Variants in KCNH7 observed in about 807,000 individuals in gnomAD.
KCNH7 encodes potassium voltage-gated channel subfamily H member 7, also known as voltage-gated inwardly rectifying potassium channel KCNH7.
A neutral mutation model predicts 120.8 loss-of-function variants in KCNH7; 49 were observed. The ratio of observed to expected loss-of-function variants is 0.41; its 90% CI spans 0.32 to 0.51. The LOEUF (loss-of-function observed/expected upper bound fraction) is 0.51, where lower values mean the gene tolerates loss of function less well. Ranked by LOEUF, KCNH7 falls within the 20% of genes least tolerant of loss-of-function variation. The pLI, the probability that KCNH7 is intolerant of heterozygous loss-of-function variation, is 0.38. For synonymous variants in KCNH7, 547 were observed against 516.1 expected (o/e 1.06, Z -0.81); for missense variants, 1,097 against 1,446.6 (o/e 0.76, Z 3.92).
chr2:162,480,404 G>A (rs6724192), intron 6 of KCNH7, among the ~76,000 whole-genome samples: 4,241 of 152,220 alleles, frequency 0.028, 382 homozygotes, highest in Admixed American at 0.2. Flanking sequence ...CCTAAGGAAG[G>A]TGAACTTGTG....
At chr2:162,454,923 C>T (rs577178438) in intron 6 of KCNH7, among the ~76,000 whole-genome samples, 238 of 152,152 alleles carry the variant, frequency 1.6e-3, no homozygotes, top group African/African-American at 5.5e-3. Context: ...TTTGAATACG[C>T]TTTATTTCTT....
At chr2:162,524,791 A>G (rs1330753795) in intron 3 of KCNH7, among the ~76,000 whole-genome samples, 1 of 151,876 alleles carries the variant, frequency 6.6e-6, no homozygotes, top group African/African-American at 2.4e-5. Flanking sequence ...TTAGGAAGAA[A>G]ATTTTCATAG....
At chr2:162,781,883 G>T (rs7575372) in intron 2 of KCNH7, among the ~76,000 whole-genome samples, 1 of 152,154 alleles carries the variant, frequency 6.6e-6, no homozygotes, top group Non-Finnish European at 1.5e-5. Flanking sequence ...CTGCACAAAA[G>T]AAATTATGAA....
chr2:162,436,121 A>G (rs1688228184), intron 7 of KCNH7, among the ~76,000 whole-genome samples: 1 of 152,138 alleles, frequency 6.6e-6, no homozygotes, highest in South Asian at 2.1e-4. Context: ...CCATGATGAT[A>G]GTAAGCAGAG....
At chr2:162,581,420 T>TA (rs1435399112) in intron 2 of KCNH7, among the ~76,000 whole-genome samples, 1 of 152,098 alleles carries the variant, frequency 6.6e-6, no homozygotes, top group Non-Finnish European at 1.5e-5. Context: ...ATCACTACTA[T>TA]AACAGCTGAG....
intron 2 of KCNH7, among the ~76,000 whole-genome samples, chr2:162,820,906 G>A (rs761274961): frequency 1.6e-5 from 2 of 128,810 alleles, no homozygotes; most frequent in South Asian, 6.6e-4. Context: ...TTACAAATCT[G>A]AATTAATTCA....
At chr2:162,511,594 T>TG (rs1247922106) in intron 5 of KCNH7, among the ~76,000 whole-genome samples, 1 of 151,350 alleles carries the variant, frequency 6.6e-6, no homozygotes, top group African/African-American at 2.4e-5. Context: ...GGGGTGGGTT[T>TG]GGGGGGATAC....
chr2:162,458,053 T>C (rs571168632), intron 6 of KCNH7, among the ~76,000 whole-genome samples: 2 of 152,234 alleles, frequency 1.3e-5, no homozygotes, highest in South Asian at 4.1e-4. Context: ...CAGTGTTCTG[T>C]ATTTAAATGA....
At chr2:162,763,694 T>C (rs911414145) in intron 2 of KCNH7, among the ~76,000 whole-genome samples, 14 of 150,938 alleles carry the variant, frequency 9.3e-5, no homozygotes, top group Admixed American at 6.6e-5. Context: ...GTGGAATACC[T>C]AGTAGAAAAT....
At chr2:162,441,999 CTTTTTTTTTTTTTTTTTTTT>C (rs779418084) in intron 7 of KCNH7, among the ~76,000 whole-genome samples, 5,895 of 42,452 alleles carry the variant, frequency 0.14, 726 homozygotes, top group African/African-American at 0.34. Context: ...GTTAGGTCTT[CTTTTTTTTTTTTTTTTTTTT>C]TTTTTTTTTT....
rs1009519148 is a variant in KCNH7 at position 162,591,471 on chromosome 2, G to A, written c.308-54391C>T. 1.3e-4 allele frequency among the ~76,000 whole-genome samples: 19 copies of A among 151,958 alleles called. 1 individual carries two copies. Among genetic ancestry groups the A allele is most frequent in the South Asian group, 4.2e-4 (2 of 4,812 alleles). ...CTTTTATCCCCTAGAATTAAACAGC[G>A]ACATATTTTGTGGAGGACACAAACA... On this transcript the variant is annotated intron_variant, in intron 2 of 15. Coordinates refer to ENST00000332142, the MANE Select transcript of KCNH7 (RefSeq NM_033272.4).
intron 2 of KCNH7, among the ~76,000 whole-genome samples, chr2:162,782,669 A>G (rs1683543791): frequency 6.6e-6 from 1 of 152,220 alleles, no homozygotes; most frequent in African/African-American, 2.4e-5. Flanking sequence ...TTAATGAAGA[A>G]GAGAAAACAT....
chr2:162,501,203 C>G (rs1177890179), intron 6 of KCNH7, among the ~76,000 whole-genome samples: 1 of 152,034 alleles, frequency 6.6e-6, no homozygotes, highest in East Asian at 1.9e-4. Context: ...AGCCTTTATT[C>G]AGTCCCTTAT....
At chr2:162,500,595 T>C (rs368707468) in intron 6 of KCNH7, among the ~76,000 whole-genome samples, 37 of 152,078 alleles carry the variant, frequency 2.4e-4, no homozygotes, top group African/African-American at 8.7e-4. Context: ...ATTCTTTTCA[T>C]CAATGCCTTT....
At chr2:162,692,369 A>G (rs1254641568) in intron 2 of KCNH7, among the ~76,000 whole-genome samples, 2 of 152,066 alleles carry the variant, frequency 1.3e-5, no homozygotes, top group Non-Finnish European at 2.9e-5. Flanking sequence ...AGTACAATGA[A>G]TTGTGGATCT....
At chr2:162,612,687 C>T (rs1451126859) in intron 2 of KCNH7, among the ~76,000 whole-genome samples, 1 of 151,776 alleles carries the variant, frequency 6.6e-6, no homozygotes, top group African/African-American at 2.4e-5. Flanking sequence ...AAAATTAGAT[C>T]CACATGAATA....
At chr2:162,431,151 G>C (rs548709329) in intron 8 of KCNH7, among the ~76,000 whole-genome samples, 10 of 151,930 alleles carry the variant, frequency 6.6e-5, no homozygotes, top group African/African-American at 2.2e-4. Context: ...TTTATTTTTA[G>C]TTTCCTTCAA....
chr2:162,726,512 C>T (rs1033161163), intron 2 of KCNH7, among the ~76,000 whole-genome samples: 16 of 152,252 alleles, frequency 1.1e-4, no homozygotes, highest in Admixed American at 7.8e-4. Context: ...CCCCGCCTCC[C>T]GGATTCAAGT....
At chr2:162,387,204 C>T (rs1686600351) in intron 12 of KCNH7, among the ~76,000 whole-genome samples, 1 of 148,614 alleles carries the variant, frequency 6.7e-6, no homozygotes, top group Admixed American at 6.8e-5. Context: ...TGATACAAAC[C>T]CACTGAAACA....
Sources: gnomAD v4.1 joint callset for allele counts (sites outside exome capture counted in the v4.1 genomes callset) on GRCh38, gnomAD v4.1.1 for gene constraint, MANE v1.5 for transcripts, NCBI Gene and HGNC (gene_info 2026-07-23, HGNC 2026-07-21) for gene names.